SCAF4: variants seen among roughly 807,000 people sequenced by gnomAD.
SCAF4 encodes SR-related and CTD-associated factor 4.
SCAF4 carries 25 observed loss-of-function variants against 129.8 expected under a neutral mutation model. The observed-to-expected ratio is 0.19, with a 90% CI of 0.14 to 0.27. The LOEUF (loss-of-function observed/expected upper bound fraction) is 0.27. Among genes scored for constraint, SCAF4 ranks in the 10% least tolerant of loss-of-function variants. The pLI is 1.00. For missense variants in SCAF4, 1,246 were observed against 1,457.1 expected (o/e 0.86, Z 2.36); for synonymous variants, 551 against 497.7 (o/e 1.11, Z -1.43).
chr21:31,706,631 C>T, intron 1 of SCAF4: 1 of 404,890 alleles, frequency 2.5e-6, no homozygotes. Context: ...AGGCAATCGG[C>T]ATGGCTGTCA....
intron 1 of SCAF4, among the ~76,000 whole-genome samples, chr21:31,713,354 A>G (rs531735724): frequency 6.6e-6 from 1 of 152,320 alleles, no homozygotes; most frequent in African/African-American, 2.4e-5. Flanking sequence ...TCCATCTGTA[A>G]AATGGGGATA....
chr21:31,680,276 C>T (rs1225015178), intron 19 of SCAF4, among the ~76,000 whole-genome samples: 1 of 152,162 alleles, frequency 6.6e-6, no homozygotes, highest in Non-Finnish European at 1.5e-5. Flanking sequence ...AGTGCTTTGC[C>T]TTGGGAGAAA....
chr21:31,729,011 C>T (rs1209680861), intron 1 of SCAF4, among the ~76,000 whole-genome samples: 2 of 152,190 alleles, frequency 1.3e-5, no homozygotes, highest in African/African-American at 4.8e-5. Context: ...TTCCTATTCT[C>T]CATTCCCACT....
chr21:31,723,916 T>C (rs1470223471), intron 1 of SCAF4, among the ~76,000 whole-genome samples: 1 of 152,146 alleles, frequency 6.6e-6, no homozygotes. Context: ...AGCCCTGCTG[T>C]TCTCCTCTAC....
At chr21:31,722,484 A>T (rs1267819033) in intron 1 of SCAF4, among the ~76,000 whole-genome samples, 1 of 152,238 alleles carries the variant, frequency 6.6e-6, no homozygotes, top group East Asian at 1.9e-4. Context: ...TAAAACTTTA[A>T]AAGTGAAGAC....
At position 31,685,586 on chromosome 21, in the gene SCAF4, G is replaced by C. The variant is rs1372273385; in HGVS notation, c.2191C>G (p.Pro731Ala). Reference sequence around the variant, plus strand: ...AGTGTACCTGGTGGTAAATGCATTGGGTTGAATCCTGGGCGCAAAAATGGT... The same window carrying C: ...AGTGTACCTGGTGGTAAATGCATTGCGTTGAATCCTGGGCGCAAAAATGGT... ...PPPFLRPGFN[P>A]MHLPPGFLPP... is the part of the protein sequence containing the mutation. Residue 731 changes from proline (P) to alanine (A), a missense_variant, in exon 17 of 20, where the codon CCA becomes GCA. Physicochemically the swap from Pro to Ala is conservative, Grantham distance 27. This residue lies in a region of SCAF4 where 468 missense variants were observed against 605.5 expected (regional missense o/e 0.77). Transcript: ENST00000286835. The C allele has an allele frequency of 6.2e-7, 1 of 1,614,112 alleles. No individual in the cohort carries two copies. The highest frequency in any genetic ancestry group is 1.3e-5 in the African/African-American group (1 of 75,018).
At chr21:31,713,624 G>A (rs1350148227) in intron 1 of SCAF4, among the ~76,000 whole-genome samples, 1 of 151,954 alleles carries the variant, frequency 6.6e-6, no homozygotes, top group Non-Finnish European at 1.5e-5. Context: ...CAACAGCCCA[G>A]GGAAAAATTA....
intron 1 of SCAF4, among the ~76,000 whole-genome samples, chr21:31,711,404 G>A (rs528117672): frequency 2.0e-5 from 3 of 152,236 alleles, no homozygotes; most frequent in South Asian, 2.1e-4. Context: ...CAGAAATTAC[G>A]CTGATACTTT....
At chr21:31,676,976 T>C (rs1173265716) in intron 19 of SCAF4, among the ~76,000 whole-genome samples, 2 of 152,200 alleles carry the variant, frequency 1.3e-5, no homozygotes, top group Admixed American at 1.3e-4. Context: ...GACTGACTTT[T>C]GCTTGGCGTA....
chr21:31,724,797 A>G lies in SCAF4; in HGVS notation c.30+6866T>C, dbSNP rs111683506. Among the ~76,000 whole-genome samples the G allele has an allele frequency of 9.4e-3, 1,427 of 152,316 alleles. 25 individuals are homozygous for G. Among genetic ancestry groups the G allele is most frequent in the African/African-American group, 0.033 (1,353 of 41,564 alleles). ...AGTTTTAACCTGAATTCTGTTTCAC[A>G]AGGTTTAGAAACCAACTTTTCCATT... is the stretch of plus-strand genomic sequence containing the variant. On this transcript the variant is annotated intron_variant, in intron 1 of 19. Coordinates refer to ENST00000286835, the MANE Select transcript of SCAF4 (RefSeq NM_020706.2).
At chr21:31,676,208 C>T (rs1204008939) in intron 19 of SCAF4, among the ~76,000 whole-genome samples, 1 of 152,162 alleles carries the variant, frequency 6.6e-6, no homozygotes, top group Non-Finnish European at 1.5e-5. Flanking sequence ...ATCTTCCATT[C>T]TACCAGAGCC....
At chr21:31,673,488 A>G (rs1344693886) in intron 19 of SCAF4, among the ~76,000 whole-genome samples, 1 of 132,356 alleles carries the variant, frequency 7.6e-6, no homozygotes, top group African/African-American at 3.2e-5. Flanking sequence ...AATGCTGATT[A>G]CCACAGCAAA....
chr21:31,674,165 A>C (rs1403555343), intron 19 of SCAF4, among the ~76,000 whole-genome samples: 2 of 152,204 alleles, frequency 1.3e-5, no homozygotes, highest in African/African-American at 4.8e-5. Context: ...AACTTTGTAC[A>C]GAAGAGAGAA....
At chr21:31,700,153 T>C (rs1246944030) in intron 7 of SCAF4, among the ~76,000 whole-genome samples, 1 of 150,936 alleles carries the variant, frequency 6.6e-6, no homozygotes, top group Non-Finnish European at 1.5e-5. Flanking sequence ...ATTATATATA[T>C]GGTAACTAAG....
intron 19 of SCAF4, among the ~76,000 whole-genome samples, chr21:31,678,050 A>G (rs950077048): frequency 6.6e-6 from 1 of 152,028 alleles, no homozygotes; most frequent in Admixed American, 6.6e-5. Context: ...CCACTTCTCT[A>G]TTTACATTTT....
intron 16 of SCAF4, among the ~76,000 whole-genome samples, chr21:31,687,548 T>G (rs898780406): frequency 1.3e-5 from 2 of 152,194 alleles, no homozygotes; most frequent in Admixed American, 1.3e-4. Flanking sequence ...TATTTTATAA[T>G]AAGAACACAT....
chr21:31,677,817 G>A (rs930566340), intron 19 of SCAF4, among the ~76,000 whole-genome samples: 8 of 152,026 alleles, frequency 5.3e-5, no homozygotes, highest in East Asian at 1.9e-4. Flanking sequence ...ATTCTAACAC[G>A]GCTACTTGTA....
chr21:31,707,112 A>G (rs1039646402), intron 1 of SCAF4, among the ~76,000 whole-genome samples: 1 of 152,056 alleles, frequency 6.6e-6, no homozygotes, highest in Non-Finnish European at 1.5e-5. Context: ...GTATTATGGG[A>G]GGCTTTGACT....
intron 14 of SCAF4, 65 bp from the exon 15 acceptor site, chr21:31,691,018 A>G: frequency 7.5e-7 from 1 of 1,337,638 alleles, no homozygotes; most frequent in Middle Eastern, 1.9e-4. Context: ...TGAGGGTATT[A>G]TTCTCTATCA....
Sources: gnomAD v4.1 joint callset for allele counts (sites outside exome capture counted in the v4.1 genomes callset) on GRCh38, gnomAD v4.1.1 for gene constraint, gnomAD v4.1.1 regional missense constraint, MANE v1.5 for transcripts, NCBI Gene and HGNC (gene_info 2026-07-23, HGNC 2026-07-21) for gene names.